C8orf34: variants seen among roughly 807,000 people sequenced by gnomAD.
C8orf34 encodes the protein chromosome 8 open reading frame 34.
In C8orf34, 65 loss-of-function variants were observed where a neutral mutation model predicts 68.3. The ratio of observed to expected loss-of-function variants is 0.95; its 90% CI spans 0.78 to 1.17. The LOEUF (loss-of-function observed/expected upper bound fraction) is 1.17. Ranked by LOEUF, C8orf34 falls within the 50% of genes most tolerant of loss-of-function variation. The pLI is 0.00. For synonymous variants in C8orf34, 244 were observed against 241.2 expected (o/e 1.01, Z -0.11); for missense variants, 664 against 655.4 (o/e 1.01, Z -0.14).
At chr8:68,785,930 C>T (rs966515112) in intron 11 of C8orf34, among the ~76,000 whole-genome samples, 3 of 152,082 alleles carry the variant, frequency 2.0e-5, no homozygotes, top group Non-Finnish European at 4.4e-5. Flanking sequence ...AAATGAAAGC[C>T]GTGGCAGATA....
intron 6 of C8orf34, among the ~76,000 whole-genome samples, chr8:68,522,872 T>C (rs2129694022): frequency 6.6e-6 from 1 of 152,340 alleles, no homozygotes; most frequent in Admixed American, 6.5e-5. Context: ...GAGTTTTTCC[T>C]GTGCATAGCA....
At chr8:68,641,798 C>A (rs1483516398) in intron 8 of C8orf34, among the ~76,000 whole-genome samples, 1 of 152,090 alleles carries the variant, frequency 6.6e-6, no homozygotes, top group African/African-American at 2.4e-5. Context: ...ACATTTTTAG[C>A]CCTAAATTAT....
intron 8 of C8orf34, among the ~76,000 whole-genome samples, chr8:68,661,321 A>AAGTG (rs1376991773): frequency 6.6e-6 from 1 of 152,202 alleles, no homozygotes; most frequent in Non-Finnish European, 1.5e-5. Flanking sequence ...GGAAATGAAA[A>AAGTG]AGTGAAAGAG....
chr8:68,547,685 T>C (rs1815930253), intron 7 of C8orf34, among the ~76,000 whole-genome samples: 2 of 151,776 alleles, frequency 1.3e-5, no homozygotes, highest in Non-Finnish European at 3.0e-5. Flanking sequence ...CTAATAGGCT[T>C]AGAAAGTTGA....
chr8:68,786,171 T>A (rs1823838552), intron 11 of C8orf34, among the ~76,000 whole-genome samples: 1 of 152,174 alleles, frequency 6.6e-6, no homozygotes, highest in South Asian at 2.1e-4. Context: ...TCATACTGAT[T>A]TTATGTTTTT....
At chr8:68,786,613 A>C (rs1442313817) in intron 11 of C8orf34, among the ~76,000 whole-genome samples, 2 of 152,156 alleles carry the variant, frequency 1.3e-5, no homozygotes, top group South Asian at 4.1e-4. Context: ...CAGATAAGGA[A>C]ATGCATTGTA....
At chr8:68,620,201 C>T (rs949815349) in intron 7 of C8orf34, among the ~76,000 whole-genome samples, 1 of 152,132 alleles carries the variant, frequency 6.6e-6, no homozygotes, top group Non-Finnish European at 1.5e-5. Flanking sequence ...GGAGGAGCCC[C>T]CAGTTCCTGT....
chr8:68,371,584 A>C (rs1307795431), intron 1 of C8orf34, among the ~76,000 whole-genome samples: 1 of 149,840 alleles, frequency 6.7e-6, no homozygotes, highest in African/African-American at 2.4e-5. Flanking sequence ...TGAGCTTGCC[A>C]CTTACTTCAT....
At position 68,446,498 on chromosome 8, in the gene C8orf34, G is replaced by C. The variant is rs369533155; in HGVS notation, c.607+38G>C. On this transcript the variant is annotated intron_variant, in intron 3 of 13. Coordinates refer to ENST00000518698, the MANE Select transcript of C8orf34 (RefSeq NM_052958.4). ...CTTATTCAAATGCTATTCAAAGCAT[G>C]TAAGTTTATGTTGTTAAGAAAATGA... is the stretch of plus-strand genomic sequence containing the variant. The C allele has an allele frequency of 7.0e-6, 11 of 1,573,866 alleles. No homozygotes were observed. In the Admixed American group the frequency reaches 9.9e-5, roughly 14 times the overall value.
intron 10 of C8orf34, among the ~76,000 whole-genome samples, chr8:68,728,023 TAGTC>T (rs1024491142): frequency 2.0e-5 from 3 of 152,228 alleles, no homozygotes; most frequent in Non-Finnish European, 2.9e-5. Context: ...TTCTATCACA[TAGTC>T]AGGCTGCAAA....
intron 7 of C8orf34, among the ~76,000 whole-genome samples, chr8:68,573,132 G>C (rs557063097): frequency 2.6e-5 from 4 of 152,202 alleles, no homozygotes; most frequent in African/African-American, 9.6e-5. Context: ...ATTGAACATT[G>C]ATTTTGGGTC....
At chr8:68,349,998 T>C (rs1021527731) in intron 1 of C8orf34, among the ~76,000 whole-genome samples, 5 of 152,084 alleles carry the variant, frequency 3.3e-5, no homozygotes, top group African/African-American at 1.2e-4. Flanking sequence ...ATTTCTCATC[T>C]TCTCCTAGCT....
In C8orf34 at chr8:68,815,908, C is replaced by T. The variant is rs138482341; in HGVS notation, c.1572C>T (p.Cys524=). Residue 524 remains cysteine, a synonymous_variant, in exon 13 of 14, where the codon TGC becomes TGT. Coordinates refer to ENST00000518698, the MANE Select transcript of C8orf34 (RefSeq NM_052958.4). ...CAGGTTCCGCTGATCTTCTTCTTTG[C>T]GTTCCATGCTCTTCTTGTCCTACGC... The part of the protein sequence containing the change: ...QEKRSADLLL[C]VPCSSCPTLV... 8 of 1,613,778 alleles carry T rather than the reference C, an allele frequency of 5.0e-6. No homozygotes were observed. The highest frequency in any genetic ancestry group is 4.0e-5 in the African/African-American group (3 of 74,982).
At chr8:68,612,688 TAC>T (rs1179669454) in intron 7 of C8orf34, among the ~76,000 whole-genome samples, 74 of 152,276 alleles carry the variant, frequency 4.9e-4, no homozygotes, top group Middle Eastern at 6.8e-3. Context: ...ATGCTATAGT[TAC>T]TGATTTTTAG....
chr8:68,383,933 G>C (rs952738339), intron 1 of C8orf34, among the ~76,000 whole-genome samples: 1 of 152,174 alleles, frequency 6.6e-6, no homozygotes, highest in African/African-American at 2.4e-5. Context: ...GGGAGGAAGA[G>C]GATTTCTGTT....
chr8:68,809,770 A>G (rs1824591118), intron 12 of C8orf34, among the ~76,000 whole-genome samples: 1 of 152,168 alleles, frequency 6.6e-6, no homozygotes, highest in Admixed American at 6.5e-5. Context: ...CAGATGTTAT[A>G]CTGTATTTCC....
intron 10 of C8orf34, among the ~76,000 whole-genome samples, chr8:68,739,600 C>T (rs999698151): frequency 2.0e-5 from 3 of 152,052 alleles, no homozygotes; most frequent in Non-Finnish European, 4.4e-5. Flanking sequence ...ATGACACAAA[C>T]AAATGAAACA....
chr8:68,580,536 C>A (rs1817032864), intron 7 of C8orf34, among the ~76,000 whole-genome samples: 1 of 152,022 alleles, frequency 6.6e-6, no homozygotes, highest in Non-Finnish European at 1.5e-5. Flanking sequence ...TCAGGTTGAT[C>A]CAAGTCCAAA....
chr8:68,800,642 T>G (rs981555387), intron 12 of C8orf34, among the ~76,000 whole-genome samples: 3 of 152,172 alleles, frequency 2.0e-5, no homozygotes, highest in African/African-American at 7.2e-5. Context: ...ATTGCAAATT[T>G]TATGTGGCTG....
Sources: allele counts gnomAD v4.1 joint callset (sites outside exome capture counted in the v4.1 genomes callset), GRCh38; gene constraint gnomAD v4.1.1; transcripts MANE v1.5; gene names NCBI Gene and HGNC (gene_info 2026-07-23, HGNC 2026-07-21).